The following KAZN variants were observed in gnomAD, a reference collection of about 807,000 sequenced individuals.
The protein encoded by KAZN is kazrin.
In KAZN, 40 loss-of-function variants were observed where a neutral mutation model predicts 87.4. The ratio of observed to expected loss-of-function variants is 0.46; its 90% CI spans 0.36 to 0.60. The LOEUF is 0.60. KAZN is among the 20% of genes least tolerant of loss of function. KAZN has a pLI of 0.00. For synonymous variants in KAZN, 466 were observed against 458.3 expected, an observed-to-expected ratio of 1.02 and a Z score of -0.22; for missense variants, 898 against 1,073.9, an observed-to-expected ratio of 0.84 and a Z score of 2.29.
At chr1:15,009,363 A>T (rs6429701) in intron 2 of KAZN, among the ~76,000 whole-genome samples, 139,851 of 152,270 alleles carry the variant, frequency 0.92, 64,343 homozygotes, top group African/African-American at 0.96. Context: ...AACTCAGGTA[A>T]GCGCCATCCC....
In KAZN at chr1:15,034,836, G is replaced by A. The variant is rs771083677; in HGVS notation, c.506G>A (p.Arg169His). 8.1e-6 allele frequency: 13 copies of A among 1,613,894 alleles called. No homozygotes were observed. Among genetic ancestry groups the A allele is most frequent in the Non-Finnish European group, 1.1e-5 (13 of 1,179,966 alleles). ...CAGCTGTATGCCACACTGGAGAGCCGCGAGGAGCAGCTCCGAGACTTCATC... is the reference window on the plus strand; with the variant it reads ...CAGCTGTATGCCACACTGGAGAGCCACGAGGAGCAGCTCCGAGACTTCATC... ...MQQLYATLES[R>H]EEQLRDFIRN... The change falls in exon 3 of 15, where the codon CGC (arginine) becomes CAC (histidine). Residue 169 changes from arginine (R) to histidine (H), a missense_variant. Physicochemically the swap from Arg to His is conservative, Grantham distance 29 (BLOSUM62 0). This residue lies in a region of KAZN where 250 missense variants were observed against 263.0 expected (regional missense o/e 0.95). Transcript: ENST00000376030.
At chr1:14,845,402 T>C (rs1185796513) in intron 1 of KAZN, among the ~76,000 whole-genome samples, 1 of 149,592 alleles carries the variant, frequency 6.7e-6, no homozygotes, top group Non-Finnish European at 1.5e-5. Flanking sequence ...GTTGGATGGA[T>C]AGATGGATGG....
chr1:15,064,214 C>G (rs1246945280), intron 7 of KAZN, among the ~76,000 whole-genome samples: 1 of 152,214 alleles, frequency 6.6e-6, no homozygotes, highest in African/African-American at 2.4e-5. Flanking sequence ...TGAGGGTCTG[C>G]AGGGGTCTCT....
intron 1 of KAZN, among the ~76,000 whole-genome samples, chr1:14,754,894 T>C (rs2100511753): frequency 6.6e-6 from 1 of 151,938 alleles, no homozygotes; most frequent in African/African-American, 2.4e-5. Context: ...TTTCCCCCAC[T>C]TACAAAATGA....
chr1:14,368,112 G>A (rs774120512), intron 2 of KAZN, among the ~76,000 whole-genome samples: 2 of 152,104 alleles, frequency 1.3e-5, no homozygotes, highest in Admixed American at 6.6e-5. Flanking sequence ...CTATCTGTAC[G>A]TGCAGATACA....
intron 2 of KAZN, among the ~76,000 whole-genome samples, chr1:15,034,398 C>T (rs1672041232): frequency 6.6e-6 from 1 of 152,174 alleles, no homozygotes; most frequent in Non-Finnish European, 1.5e-5. Context: ...GAACTGAGGC[C>T]CTGTCCGATT....
chr1:14,611,287 A>G (rs1677798134), intron 1 of KAZN, among the ~76,000 whole-genome samples: 1 of 152,222 alleles, frequency 6.6e-6, no homozygotes, highest in Non-Finnish European at 1.5e-5. Context: ...GGCTTTCCCA[A>G]CTTCTGACAG....
At chr1:14,875,168 C>T (rs3922627) in intron 1 of KAZN, among the ~76,000 whole-genome samples, 8,500 of 151,816 alleles carry the variant, frequency 0.056, 331 homozygotes, top group African/African-American at 0.1. Flanking sequence ...CCCGTCTCTA[C>T]TAAAAATACA....
intron 2 of KAZN, among the ~76,000 whole-genome samples, chr1:14,423,519 T>G (rs535631667): frequency 6.6e-6 from 1 of 152,312 alleles, no homozygotes; most frequent in Non-Finnish European, 1.5e-5. Flanking sequence ...ACCCAGCTTT[T>G]GAAGACCTCA....
intron 2 of KAZN, among the ~76,000 whole-genome samples, chr1:14,971,720 T>C (rs1183414614): frequency 2.6e-4 from 39 of 147,692 alleles, no homozygotes; most frequent in African/African-American, 9.4e-4. Context: ...CTCGCTCTGT[T>C]GCCCAGGCTG....
At chr1:14,848,969 C>T (rs1649114476) in intron 1 of KAZN, among the ~76,000 whole-genome samples, 1 of 152,148 alleles carries the variant, frequency 6.6e-6, no homozygotes, top group Admixed American at 6.5e-5. Flanking sequence ...GCTGCGGCTC[C>T]AGGAAGCAGG....
At chr1:14,448,645 C>T (rs1667110459) in intron 2 of KAZN, among the ~76,000 whole-genome samples, 1 of 152,160 alleles carries the variant, frequency 6.6e-6, no homozygotes, top group Non-Finnish European at 1.5e-5. Context: ...TGGACACCAG[C>T]CCCAGAGAGG....
chr1:14,719,419 G>T (rs907024372), intron 1 of KAZN, among the ~76,000 whole-genome samples: 1 of 152,198 alleles, frequency 6.6e-6, no homozygotes, highest in South Asian at 2.1e-4. Context: ...AAAGTGGACT[G>T]TGTCCAGTGG....
At chr1:15,025,585 C>T (rs569511649) in intron 2 of KAZN, among the ~76,000 whole-genome samples, 5 of 152,282 alleles carry the variant, frequency 3.3e-5, no homozygotes, top group African/African-American at 1.2e-4. Context: ...TCTTCCCTGG[C>T]GTGTTACTGG....
rs58658629 is a variant in KAZN, at chr1:15,112,329, A to ATGTGTGTGTG, written c.2049-62_2049-53dup. The stretch of plus-strand genomic sequence containing the variant: ...TCAGCAGCTGTGGTCATTGTCACCA[A>ATGTGTGTGTG]TGTGTGTGTGTGTGTGTGTGTGTGT... On this transcript the variant is annotated intron_variant, in intron 13 of 14. Transcript: ENST00000376030. 38 of 638,658 alleles carry ATGTGTGTGTG rather than the reference A, an allele frequency of 5.9e-5. 1 individual carries two copies. The highest frequency in any genetic ancestry group is 4.1e-4 in the African/African-American group (22 of 53,352). The allele number at this position is 638,658 out of a possible 1,614,324, so 39.6% of individuals were successfully genotyped here.
intron 1 of KAZN, among the ~76,000 whole-genome samples, chr1:14,110,899 T>C (rs1644487495): frequency 7.4e-6 from 1 of 135,378 alleles, no homozygotes; most frequent in Non-Finnish European, 1.6e-5. Context: ...TAATTTTAAC[T>C]TTTGTTTGTG....
In KAZN at chr1:14,645,465, T is replaced by C. The variant is rs540737443; in HGVS notation, c.226+46242T>C. On this transcript the variant is annotated intron_variant, in intron 1 of 14. Transcript: ENST00000376030. ...ATAGTTTTCCATTAGTTGTGTCTTC[T>C]CTGATTTCTTTGAGCAGTGTTTTGT... 9.8e-5 allele frequency among the ~76,000 whole-genome samples: 15 copies of C among 152,352 alleles called. No homozygotes were observed. In the East Asian group the frequency reaches 2.5e-3, roughly 25 times the overall value.
chr1:14,365,398 A>G (rs1199683378), intron 2 of KAZN, among the ~76,000 whole-genome samples: 1 of 137,106 alleles, frequency 7.3e-6, no homozygotes, highest in Non-Finnish European at 1.5e-5. Context: ...CAAGGTCACC[A>G]GCTGTGTTGG....
chr1:14,951,425 GA>G (rs1662467087), intron 1 of KAZN, among the ~76,000 whole-genome samples: 1 of 151,774 alleles, frequency 6.6e-6, no homozygotes, highest in Admixed American at 6.6e-5. Context: ...CTTTGCCCAT[GA>G]GAGTCATTGT....
Sources: gnomAD v4.1 joint callset for allele counts (sites outside exome capture counted in the v4.1 genomes callset) on GRCh38, gnomAD v4.1.1 for gene constraint, gnomAD v4.1.1 regional missense constraint, MANE v1.5 for transcripts, NCBI Gene and HGNC (gene_info 2026-07-23, HGNC 2026-07-21) for gene names.